OR2I1: variants seen among roughly 807,000 people sequenced by gnomAD.
The protein encoded by OR2I1 is olfactory receptor family 2 subfamily I member 1 (gene/pseudogene), also known as putative olfactory receptor 2I1.
At chr6:29,553,825 C>A in the OR2I1 span, 2 of 398,660 alleles carry the variant, frequency 5.0e-6, no homozygotes, top group Middle Eastern at 6.3e-4. Flanking sequence ...GTTCGCCGCC[C>A]GCGTGGTCAT....
chr6:29,552,882 G>C, the OR2I1 span: 1 of 198,938 alleles, frequency 5.0e-6, no homozygotes, highest in Non-Finnish European at 1.0e-5. Flanking sequence ...CACTTAGGAG[G>C]CCCAACTGGC....
At chr6:29,555,856 G>A in the OR2I1 span, 3 of 1,588,958 alleles carry the variant, frequency 1.9e-6, no homozygotes, top group East Asian at 2.2e-5. Context: ...TTTGACCCCT[G>A]CCAACACCCC....
chr6:29,555,884 C>T, the OR2I1 span: 20 of 1,612,412 alleles, frequency 1.2e-5, no homozygotes, highest in South Asian at 1.6e-4. Context: ...GGGTGGTCAC[C>T]CTCCAATACA....
At chr6:29,552,338 T>C in the OR2I1 span, among the ~76,000 whole-genome samples, 2 of 152,198 alleles carry the variant, frequency 1.3e-5, no homozygotes, top group African/African-American at 2.4e-5. Context: ...AAGGGAGCTA[T>C]GTAGGTAAAA....
At chr6:29,552,169 G>C in the OR2I1 span, among the ~76,000 whole-genome samples, 1 of 152,030 alleles carries the variant, frequency 6.6e-6, no homozygotes, top group African/African-American at 2.4e-5. Context: ...TGTTCCCTGG[G>C]GTTCTCTTTT....
the OR2I1 span, chr6:29,556,087 A>G: frequency 6.2e-7 from 1 of 1,613,042 alleles, no homozygotes; most frequent in Non-Finnish European, 8.5e-7. Context: ...TCTTTGCCTC[A>G]TCACCTGACT....
At chr6:29,552,156 T>G in the OR2I1 span, among the ~76,000 whole-genome samples, 8 of 152,232 alleles carry the variant, frequency 5.3e-5, no homozygotes, top group Non-Finnish European at 1.2e-4. Flanking sequence ...ATGAGGTTCC[T>G]TTTGTTCCCT....
At chr6:29,552,116 A>T in the OR2I1 span, among the ~76,000 whole-genome samples, 1 of 152,226 alleles carries the variant, frequency 6.6e-6, no homozygotes. Flanking sequence ...TGTACCATTA[A>T]GACACTTGGT....
chr6:29,555,106 G>C, the OR2I1 span: 3 of 152,218 alleles, frequency 2.0e-5, no homozygotes, highest in Non-Finnish European at 4.4e-5. Context: ...CAGTCCCCCA[G>C]CTTTAGAAAG....
the OR2I1 span, chr6:29,556,441 A>C: frequency 1.5e-5 from 13 of 896,468 alleles, no homozygotes; most frequent in East Asian, 2.5e-5. Flanking sequence ...CTCTTCCACT[A>C]TCTATCTGGT....
chr6:29,555,749 C>T, the OR2I1 span: 2 of 676,322 alleles, frequency 3.0e-6, no homozygotes, highest in African/African-American at 1.8e-5. Flanking sequence ...TCCTACCCAT[C>T]CCACCCAAAT....
chr6:29,553,267 T>C, the OR2I1 span: 1 of 398,928 alleles, frequency 2.5e-6, no homozygotes, highest in Non-Finnish European at 4.4e-6. Context: ...GCTGGGTTTC[T>C]CCGACTGGCC....
At chr6:29,555,782 C>T in the OR2I1 span, 1 of 939,390 alleles carries the variant, frequency 1.1e-6, no homozygotes, top group South Asian at 1.6e-5. Context: ...ATCTCATTCT[C>T]ATTAATTTTG....
At chr6:29,554,001 G>A in the OR2I1 span, 1 of 398,892 alleles carries the variant, frequency 2.5e-6, no homozygotes, top group Non-Finnish European at 4.4e-6. Context: ...CCTACCTGCA[G>A]CCCGCGCAGC....
At chr6:29,557,395 C>T in the OR2I1 span, 2 of 152,198 alleles carry the variant, frequency 1.3e-5, no homozygotes, top group Non-Finnish European at 2.9e-5. Context: ...TGACCATGGA[C>T]TGGTTCTGGC....
chr6:29,556,156 G>T, the OR2I1 span: 6 of 1,613,082 alleles, frequency 3.7e-6, no homozygotes, highest in Non-Finnish European at 5.1e-6. Context: ...GGGTAAGGTG[G>T]ATGGTCTTCT....
chr6:29,553,001 T>G, the OR2I1 span: 3 of 374,160 alleles, frequency 8.0e-6, no homozygotes, highest in Non-Finnish European at 9.5e-6. Context: ...GCCTACCGAG[T>G]GTTGGCCAGG....
chr6:29,552,695 G>A, the OR2I1 span: 1 of 152,288 alleles, frequency 6.6e-6, no homozygotes, highest in Non-Finnish European at 1.5e-5. Flanking sequence ...CAGTTACACA[G>A]TTATACAGTT....
the OR2I1 span, chr6:29,553,106 T>C: frequency 2.5e-6 from 1 of 397,600 alleles, no homozygotes; most frequent in Non-Finnish European, 4.4e-6. Context: ...ACCTTGTATA[T>C]GATTCCATTC....
Sources: gnomAD v4.1 joint callset for allele counts (sites outside exome capture counted in the v4.1 genomes callset) on GRCh38, gnomAD v4.1.1 for gene constraint, MANE v1.5 for transcripts, NCBI Gene and HGNC (gene_info 2026-07-23, HGNC 2026-07-21) for gene names.